The following SEMA3A variants were observed in gnomAD, a reference collection of about 807,000 sequenced individuals.
SEMA3A encodes the protein semaphorin 3A.
A neutral mutation model predicts 97.9 loss-of-function variants in SEMA3A; 29 were observed. That is an observed-to-expected ratio of 0.30 (90% CI 0.22 to 0.40). SEMA3A has a LOEUF of 0.40. Ranked by LOEUF, SEMA3A falls within the 10% of genes least tolerant of loss-of-function variation. SEMA3A has a pLI of 1.00. For synonymous variants in SEMA3A, 321 were observed against 323.7 expected, an observed-to-expected ratio of 0.99 and a Z score of 0.09; for missense variants, 763 against 951.3, an observed-to-expected ratio of 0.80 and a Z score of 2.60.
At chr7:84,318,479 C>T (rs1416252115) in intron 2 of SEMA3A, among the ~76,000 whole-genome samples, 7 of 151,568 alleles carry the variant, frequency 4.6e-5, no homozygotes, top group African/African-American at 1.5e-4. Flanking sequence ...CCCGCCACTA[C>T]GCCCGGCTAA....
chr7:84,093,121 C>A (rs567545295), intron 4 of SEMA3A, among the ~76,000 whole-genome samples: 2 of 152,180 alleles, frequency 1.3e-5, no homozygotes, highest in South Asian at 4.1e-4. Flanking sequence ...AGAATTCAAA[C>A]TGGCTGGGGA....
chr7:84,469,225 G>T (rs1197935734), intron 1 of SEMA3A, among the ~76,000 whole-genome samples: 1 of 152,090 alleles, frequency 6.6e-6, no homozygotes, highest in Non-Finnish European at 1.5e-5. Context: ...TCCTGTCTTT[G>T]GGAGACCTTC....
intron 4 of SEMA3A, among the ~76,000 whole-genome samples, chr7:84,081,168 A>T (rs992730432): frequency 6.6e-6 from 1 of 152,124 alleles, no homozygotes; most frequent in Non-Finnish European, 1.5e-5. Flanking sequence ...CTAGATATAG[A>T]TCCATATTTA....
chr7:84,221,890 G>C (rs1798891907), intron 3 of SEMA3A, among the ~76,000 whole-genome samples: 1 of 151,902 alleles, frequency 6.6e-6, no homozygotes, highest in Admixed American at 6.6e-5. Flanking sequence ...TGTTGAAAAA[G>C]CGGCATCTAT....
chr7:83,991,410 GA>G (rs1327134883), intron 12 of SEMA3A, among the ~76,000 whole-genome samples: 11 of 151,312 alleles, frequency 7.3e-5, no homozygotes, highest in Non-Finnish European at 1.3e-4. Flanking sequence ...TTTTCAAAGG[GA>G]ATGCTTCCAG....
intron 3 of SEMA3A, among the ~76,000 whole-genome samples, chr7:84,116,134 A>T (rs183068999): frequency 8.5e-5 from 13 of 152,246 alleles, no homozygotes; most frequent in African/African-American, 2.2e-4. Flanking sequence ...CATCTTGCCT[A>T]ATATCAAAAA....
At chr7:84,076,688 C>T (rs1024723198) in intron 4 of SEMA3A, among the ~76,000 whole-genome samples, 3 of 152,006 alleles carry the variant, frequency 2.0e-5, no homozygotes, top group African/African-American at 4.8e-5. Context: ...AATGAATTAA[C>T]GTATTTTCTA....
intron 2 of SEMA3A, among the ~76,000 whole-genome samples, chr7:84,322,961 T>A: frequency 6.6e-6 from 1 of 150,772 alleles, no homozygotes; most frequent in South Asian, 2.1e-4. Flanking sequence ...ATTGGAAACT[T>A]GATTCTACCA....
At chr7:84,432,233 T>C (rs966328034) in intron 1 of SEMA3A, among the ~76,000 whole-genome samples, 3 of 152,108 alleles carry the variant, frequency 2.0e-5, no homozygotes, top group Admixed American at 6.6e-5. Flanking sequence ...AAGATATGTG[T>C]TGCAGAGAGA....
chr7:84,102,823 C>T (rs548724075), intron 4 of SEMA3A, among the ~76,000 whole-genome samples: 3 of 151,870 alleles, frequency 2.0e-5, no homozygotes, highest in East Asian at 1.9e-4. Context: ...TCAAATGATC[C>T]GCCCACCTCA....
chr7:84,137,931 A>T (rs1796194392), intron 1 of SEMA3A, among the ~76,000 whole-genome samples: 2 of 152,164 alleles, frequency 1.3e-5, no homozygotes, highest in African/African-American at 4.8e-5. Context: ...CACAGTACTT[A>T]TCTTTTAGAT....
chr7:84,464,958 T>C (rs1805953027), intron 1 of SEMA3A, among the ~76,000 whole-genome samples: 1 of 152,142 alleles, frequency 6.6e-6, no homozygotes, highest in African/African-American at 2.4e-5. Context: ...AAGTTTTCTC[T>C]GGAAACAGGG....
chr7:84,430,539 T>G (rs1419308546), intron 1 of SEMA3A, among the ~76,000 whole-genome samples: 1 of 152,012 alleles, frequency 6.6e-6, no homozygotes, highest in East Asian at 1.9e-4. Flanking sequence ...ATGGTCAGTT[T>G]AGACATGTAC....
At chr7:84,091,267 AAAAGAAAGAAAAG>A (rs2115852332) in intron 4 of SEMA3A, among the ~76,000 whole-genome samples, 1 of 138,274 alleles carries the variant, frequency 7.2e-6, no homozygotes, top group African/African-American at 2.5e-5. Context: ...AGGAAAGAGA[AAAAGAAAGAAAAG>A]AAAGAAAGAA....
chr7:84,475,780 C>T (rs1806266510), intron 1 of SEMA3A, among the ~76,000 whole-genome samples: 1 of 152,134 alleles, frequency 6.6e-6, no homozygotes, highest in Non-Finnish European at 1.5e-5. Context: ...CTGCTTTCAT[C>T]CCTAGACACT....
chr7:84,121,432 A>G (rs1795612484), intron 3 of SEMA3A, among the ~76,000 whole-genome samples: 2 of 150,224 alleles, frequency 1.3e-5, no homozygotes, highest in Non-Finnish European at 3.0e-5. Flanking sequence ...TCATTGTTCA[A>G]TTCCCACCTA....
intron 1 of SEMA3A, among the ~76,000 whole-genome samples, chr7:84,157,144 A>G (rs464): frequency 0.78 from 118,203 of 152,094 alleles, 46,158 homozygotes; most frequent in East Asian, 0.91. Flanking sequence ...AATGGCAGTA[A>G]AAGAAATACT....
chr7:84,365,935 T>A (rs1259232337), intron 2 of SEMA3A, among the ~76,000 whole-genome samples: 1 of 151,386 alleles, frequency 6.6e-6, no homozygotes, highest in Non-Finnish European at 1.5e-5. Context: ...TATATCATAA[T>A]TTACATTTGA....
At chr7:84,065,620 C>A (rs1445616447) in intron 4 of SEMA3A, among the ~76,000 whole-genome samples, 3 of 150,866 alleles carry the variant, frequency 2.0e-5, no homozygotes, top group Non-Finnish European at 4.4e-5. Flanking sequence ...TACAAACTAC[C>A]ATCAGAGAAT....
Sources: allele counts gnomAD v4.1 joint callset (sites outside exome capture counted in the v4.1 genomes callset), GRCh38; gene constraint gnomAD v4.1.1; transcripts MANE v1.5; gene names NCBI Gene and HGNC (gene_info 2026-07-23, HGNC 2026-07-21).